ACTN2: variants seen among roughly 807,000 people sequenced by gnomAD.
ACTN2 encodes the protein actinin alpha 2, also known as alpha-actinin-2.
ACTN2 carries 39 observed loss-of-function variants against 113.8 expected under a neutral mutation model. The ratio of observed to expected loss-of-function variants is 0.34; its 90% CI spans 0.27 to 0.45. The LOEUF (loss-of-function observed/expected upper bound fraction) is 0.45, where lower values mean the gene tolerates loss of function less well. Ranked by LOEUF, ACTN2 falls within the 20% of genes least tolerant of loss-of-function variation. The probability of loss-of-function intolerance (pLI) is 1.00; values close to 1 mark genes in which losing one functional copy is unlikely to be tolerated. For synonymous variants in ACTN2, 429 were observed against 444.1 expected (o/e 0.97, Z 0.43); for missense variants, 992 against 1,177.9 (o/e 0.84, Z 2.31).
chr1:236,709,239 T>C (rs997695935), intron 1 of ACTN2, among the ~76,000 whole-genome samples: 1 of 85,114 alleles, frequency 1.2e-5, no homozygotes, highest in African/African-American at 3.6e-5. Flanking sequence ...TATATATATA[T>C]ATATATATAT....
chr1:236,718,008 G>A (rs775706137), intron 2 of ACTN2, 36 bp downstream of exon 2: 3 of 1,488,458 alleles, frequency 2.0e-6, no homozygotes, highest in African/African-American at 2.8e-5. Flanking sequence ...GCTTTCATGT[G>A]TTATCAGTAG....
intron 1 of ACTN2, among the ~76,000 whole-genome samples, chr1:236,702,220 T>C (rs972943399): frequency 6.6e-6 from 1 of 152,206 alleles, no homozygotes; most frequent in Non-Finnish European, 1.5e-5. Context: ...AAGTCGTTTT[T>C]TTCCCCCTCC....
chr1:236,709,730 G>A (rs1657969853), intron 1 of ACTN2, among the ~76,000 whole-genome samples: 1 of 152,110 alleles, frequency 6.6e-6, no homozygotes, highest in Non-Finnish European at 1.5e-5. Context: ...ATAATTGGTA[G>A]GTTTAAAAGC....
At chr1:236,736,849 C>T (rs866151491) in intron 8 of ACTN2, among the ~76,000 whole-genome samples, 1 of 152,038 alleles carries the variant, frequency 6.6e-6, no homozygotes, top group Non-Finnish European at 1.5e-5. Flanking sequence ...GGATGTTTAC[C>T]GAGTTTGTGT....
intron 9 of ACTN2, among the ~76,000 whole-genome samples, chr1:236,738,552 G>A (rs6695929): frequency 0.011 from 1,640 of 152,166 alleles, 32 homozygotes; most frequent in African/African-American, 0.037. Context: ...TTTCTTACTG[G>A]GTCCTTCATT....
intron 8 of ACTN2, among the ~76,000 whole-genome samples, chr1:236,735,926 T>C (rs1658860784): frequency 6.6e-6 from 1 of 152,246 alleles, no homozygotes; most frequent in Non-Finnish European, 1.5e-5. Context: ...AATGTTTTTA[T>C]GTGTTTTACT....
At chr1:236,704,948 G>A (rs1371686190) in intron 1 of ACTN2, among the ~76,000 whole-genome samples, 1 of 152,196 alleles carries the variant, frequency 6.6e-6, no homozygotes, top group African/African-American at 2.4e-5. Context: ...TGCAGCCTTC[G>A]TTTCTCCCAG....
At chr1:236,738,671 G>A (rs1349173298) in intron 9 of ACTN2, among the ~76,000 whole-genome samples, 1 of 152,142 alleles carries the variant, frequency 6.6e-6, no homozygotes, top group Non-Finnish European at 1.5e-5. Flanking sequence ...TAAATGATGG[G>A]GTTTTCAGCA....
At chr1:236,733,011 GA>G (rs1345099380) in intron 7 of ACTN2, among the ~76,000 whole-genome samples, 2 of 152,170 alleles carry the variant, frequency 1.3e-5, no homozygotes, top group Admixed American at 6.5e-5. Context: ...ATTAATACTT[GA>G]ATGCATTATT....
At chr1:236,731,848 G>T (rs773691112) in intron 7 of ACTN2, among the ~76,000 whole-genome samples, 15 of 152,186 alleles carry the variant, frequency 9.9e-5, no homozygotes, top group Non-Finnish European at 1.9e-4. Context: ...AGAGCTGAAA[G>T]AACTTCCATA....
chr1:236,708,954 A>C (rs546591526), intron 1 of ACTN2, among the ~76,000 whole-genome samples: 9 of 152,092 alleles, frequency 5.9e-5, no homozygotes, highest in Non-Finnish European at 1.2e-4. Context: ...TCTAATATTT[A>C]GAAAGAACCA....
intron 14 of ACTN2, among the ~76,000 whole-genome samples, chr1:236,749,595 G>A (rs368957059): frequency 1.3e-5 from 2 of 152,096 alleles, no homozygotes; most frequent in South Asian, 2.1e-4. Context: ...TCAGGTGTTC[G>A]AGACCAGCCT....
chr1:236,728,490 T>C (rs1658624977), intron 6 of ACTN2, among the ~76,000 whole-genome samples: 1 of 152,182 alleles, frequency 6.6e-6, no homozygotes, highest in Non-Finnish European at 1.5e-5. Flanking sequence ...TTCTGGAGGA[T>C]TTAGTTGTAG....
chr1:236,753,788 C>T (rs1032757271), intron 15 of ACTN2, 159 bp from the exon 16 acceptor site: 2 of 899,912 alleles, frequency 2.2e-6, no homozygotes, highest in African/African-American at 1.6e-5. Flanking sequence ...CTAGGGACTC[C>T]TCCTCCCTAT....
chr1:236,745,579 A>G (rs1355789008), intron 12 of ACTN2, among the ~76,000 whole-genome samples: 1 of 152,180 alleles, frequency 6.6e-6, no homozygotes, highest in Admixed American at 6.5e-5. Flanking sequence ...AAGAACTGAC[A>G]CGACATTTGA....
intron 1 of ACTN2, among the ~76,000 whole-genome samples, chr1:236,694,288 C>T (rs539355044): frequency 1.3e-5 from 2 of 149,016 alleles, no homozygotes; most frequent in East Asian, 2.0e-4. Context: ...GGCACAATCT[C>T]GGCGGCTAAC....
chr1:236,735,332 C>T (rs115703863), intron 7 of ACTN2, among the ~76,000 whole-genome samples: 63 of 152,268 alleles, frequency 4.1e-4, no homozygotes, highest in African/African-American at 1.5e-3. Flanking sequence ...TGATCTGCAA[C>T]AGACCAGGTT....
intron 1 of ACTN2, among the ~76,000 whole-genome samples, chr1:236,716,621 A>C (rs1208785126): frequency 6.6e-6 from 1 of 152,068 alleles, no homozygotes; most frequent in Admixed American, 6.6e-5. Context: ...GATGTAGTCC[A>C]GTGCTTGGAA....
chr1:236,748,808 T>G (rs563015120), intron 13 of ACTN2, among the ~76,000 whole-genome samples: 9 of 152,328 alleles, frequency 5.9e-5, no homozygotes, highest in Middle Eastern at 3.4e-3. Context: ...AAGTCCTGCT[T>G]TAGCTGAAAG....
Sources: gnomAD v4.1 joint callset for allele counts (sites outside exome capture counted in the v4.1 genomes callset) on GRCh38, gnomAD v4.1.1 for gene constraint, MANE v1.5 for transcripts, NCBI Gene and HGNC (gene_info 2026-07-23, HGNC 2026-07-21) for gene names.